The following NEBL variants were observed in gnomAD, a reference collection of about 807,000 sequenced individuals.
NEBL encodes the protein nebulette.
NEBL carries 122 observed loss-of-function variants against 140.2 expected under a neutral mutation model. The observed-to-expected ratio is 0.87, with a 90% confidence interval of 0.75 to 1.01. The LOEUF (loss-of-function observed/expected upper bound fraction) is 1.01, where lower values mean the gene tolerates loss of function less well. Ranked by LOEUF, NEBL falls within the 50% of genes least tolerant of loss-of-function variation. The probability of loss-of-function intolerance (pLI) is 0.00; values close to 1 mark genes in which losing one functional copy is unlikely to be tolerated. For synonymous variants in NEBL, 436 were observed against 398.9 expected (o/e 1.09, Z -1.11); for missense variants, 1,365 against 1,231.3 (o/e 1.11, Z -1.62).
intron 3 of NEBL, among the ~76,000 whole-genome samples, chr10:20,966,232 C>T (rs958311727): frequency 6.6e-6 from 1 of 152,128 alleles, no homozygotes; most frequent in African/African-American, 2.4e-5. Flanking sequence ...CATGTATGCA[C>T]AGAAACATGA....
At chr10:20,954,099 T>C (rs1469120845) in intron 4 of NEBL, among the ~76,000 whole-genome samples, 1 of 151,232 alleles carries the variant, frequency 6.6e-6, no homozygotes, top group Admixed American at 6.6e-5. Context: ...AATCCAGCTA[T>C]TTACTGAATA....
chr10:21,235,138 G>T (rs72800005), intron 3 of NEBL, among the ~76,000 whole-genome samples: 6,219 of 151,954 alleles, frequency 0.041, 189 homozygotes, highest in South Asian at 0.14. Flanking sequence ...CTACAAAAAC[G>T]TACAAAAATT....
At chr10:20,838,606 G>T (rs1841119498) in intron 13 of NEBL, among the ~76,000 whole-genome samples, 1 of 152,174 alleles carries the variant, frequency 6.6e-6, no homozygotes, top group African/African-American at 2.4e-5. Context: ...AATCTTGAAA[G>T]TTCTACTGTG....
intron 4 of NEBL, among the ~76,000 whole-genome samples, chr10:20,915,854 C>A (rs1848533939): frequency 6.6e-6 from 1 of 152,192 alleles, no homozygotes; most frequent in Non-Finnish European, 1.5e-5. Context: ...AGGGCAGGCT[C>A]TGAAATTTTT....
In NEBL at chr10:20,835,529, G is replaced by A. The variant is rs914129029; in HGVS notation, c.1433C>T (p.Ala478Val). The A allele has an allele frequency of 1.2e-6, 2 of 1,611,238 alleles. No homozygotes were observed. The highest frequency in any genetic ancestry group is 1.7e-6 in the Non-Finnish European group (2 of 1,178,986). Reference protein sequence around the residue: ...TLEMQHAKKAAEIASEKDYKR... With the variant: ...TLEMQHAKKAVEIASEKDYKR... ...CCTACTAACCTCACTCGCTATCTCT[G>A]CAGCCTTCTTGGCATGCTGCATTTC... Residue 478 changes from alanine to valine, a missense_variant, in exon 14 of 28, where the codon GCA (alanine) becomes GTA (valine). By Grantham distance (64) the Ala-to-Val change is moderately conservative. Transcript: ENST00000377122.
intron 4 of NEBL, among the ~76,000 whole-genome samples, chr10:20,948,709 C>T (rs1198637481): frequency 2.0e-5 from 3 of 152,168 alleles, no homozygotes; most frequent in South Asian, 4.1e-4. Flanking sequence ...GAGCTCTCAC[C>T]AGCTAATCTG....
rs1425366279 is a variant in NEBL at position 20,808,661 on chromosome 10, T to C, written c.2612-2A>G. 1.2e-6 allele frequency: 2 copies of C among 1,611,822 alleles called. No homozygotes were observed. Among genetic ancestry groups the C allele is most frequent in the Non-Finnish European group, 1.7e-6 (2 of 1,178,050 alleles). On this transcript the variant is annotated splice_acceptor_variant, in intron 25 of 27. Transcript: ENST00000377122. LOFTEE classifies it high-confidence loss of function. ...GTCGCCTATAGTGACTCGCCTTTTC[T>C]ATATTGGAGGGAAAATATTTACACG...
rs1482555716 is a variant in NEBL, at chr10:20,782,125, G to A, written c.*3622C>T. ...CATTTTCTAAAGTTCTAAATCTTTA[G>A]AGATAAAATACAATCAGCTAACACC... On this transcript the variant is annotated 3_prime_UTR_variant, in exon 28 of 28. Coordinates refer to ENST00000377122, the MANE Select transcript of NEBL (RefSeq NM_006393.3). 2.0e-5 allele frequency: 3 copies of A among 152,476 alleles called. No homozygotes were observed. Among genetic ancestry groups the A allele is most frequent in the Non-Finnish European group, 4.4e-5 (3 of 68,014 alleles). 9.4% of individuals were successfully genotyped at this position (152,476 alleles called of 1,614,324 possible).
At chr10:21,067,709 G>A (rs991629375) in intron 2 of NEBL, among the ~76,000 whole-genome samples, 17 of 152,148 alleles carry the variant, frequency 1.1e-4, no homozygotes, top group African/African-American at 1.9e-4. Flanking sequence ...GGCTAGGCAC[G>A]GTGGCTCCTA....
chr10:20,897,030 C>T lies in NEBL; in HGVS notation c.82-1G>A. The T allele has an allele frequency of 6.2e-7, 1 of 1,612,772 alleles. No individual in the cohort carries two copies. The highest frequency in any genetic ancestry group is 8.5e-7 in the Non-Finnish European group (1 of 1,179,268). ...CTTCAATAACAGGCTTATAGAAGAC[C>T]TATTTGAAAAAAAAGAAAAGAACAG... On this transcript the variant is annotated splice_acceptor_variant, in intron 1 of 27. Transcript: ENST00000377122. LOFTEE classifies it high-confidence loss of function.
Position 21,038,023 on chromosome 10 carries a change from C to A in NEBL, c.165-17822G>T, listed in dbSNP as rs181517043. ...GAATCAAAAGTAGATTCTTCAGAAA[C>A]CTTCTAGAGAGAGAGAGAGAAAAGT... On this transcript the variant is annotated intron_variant, in intron 2 of 6. Transcript: ENST00000417816. Among the ~76,000 whole-genome samples, 25 of 152,080 alleles carry A rather than the reference C, an allele frequency of 1.6e-4. 1 individual carries two copies. The highest frequency in any genetic ancestry group is 5.8e-4 in the African/African-American group (24 of 41,472).
rs34036235 is a variant in NEBL at position 21,144,956 on chromosome 10, TAAA to T, written c.164+27424_164+27426del. Reference sequence around the variant, plus strand: ...AAGTATATAAAAAGCCCCTTCAAATTAAAAAAAAAAAAAAGATATCTCTCCAAG... The same window carrying T: ...AAGTATATAAAAAGCCCCTTCAAATTAAAAAAAAAAAGATATCTCTCCAAG... On this transcript the variant is annotated intron_variant, in intron 2 of 6. Coordinates refer to the NEBL transcript ENST00000417816. Among the ~76,000 whole-genome samples, 1,099 of 123,198 alleles carry T rather than the reference TAAA, an allele frequency of 8.9e-3. 7 individuals are homozygous for T. Among genetic ancestry groups the T allele is most frequent in the African/African-American group, 0.029 (1,008 of 34,910 alleles). 80.8% of individuals were successfully genotyped at this position (123,198 alleles called of 152,430 possible). A position where few individuals can be genotyped will look rare whatever the true frequency, so the allele number is the denominator to read the frequency against.
intron 4 of NEBL, among the ~76,000 whole-genome samples, chr10:20,902,493 T>C (rs1847915785): frequency 6.6e-6 from 1 of 151,930 alleles, no homozygotes; most frequent in Admixed American, 6.6e-5. Flanking sequence ...GAGAGCTACA[T>C]AGTTAGATGG....
intron 1 of NEBL, among the ~76,000 whole-genome samples, chr10:21,273,900 T>C (rs1842886997): frequency 6.6e-6 from 1 of 152,164 alleles, no homozygotes; most frequent in Non-Finnish European, 1.5e-5. Flanking sequence ...ATGCTGTAAG[T>C]CCTGCTCACA....
chr10:21,174,042 G>A (rs1441132412), exon 1 of NEBL: 80 of 1,130,260 alleles, frequency 7.1e-5, no homozygotes, highest in Non-Finnish European at 8.4e-5. Context: ...TCTCGGGCTC[G>A]CAGGCGCTGG....
intron 3 of NEBL, among the ~76,000 whole-genome samples, chr10:20,994,564 T>C (rs936807921): frequency 2.0e-5 from 3 of 152,302 alleles, no homozygotes; most frequent in Admixed American, 6.5e-5. Context: ...CCTTGAAGAA[T>C]GCAGGCATTA....
intron 1 of NEBL, among the ~76,000 whole-genome samples, chr10:21,274,023 A>G (rs1842889085): frequency 6.6e-6 from 1 of 152,186 alleles, no homozygotes; most frequent in Non-Finnish European, 1.5e-5. Context: ...CATCTGACCA[A>G]TAGAATATGG....
intron 2 of NEBL, among the ~76,000 whole-genome samples, chr10:21,098,396 A>G (rs1837302527): frequency 6.6e-6 from 1 of 152,178 alleles, no homozygotes; most frequent in African/African-American, 2.4e-5. Context: ...GGTCATCAAT[A>G]AATGCTCATT....
At chr10:21,011,955 A>G (rs1838357628) in intron 3 of NEBL, among the ~76,000 whole-genome samples, 1 of 152,200 alleles carries the variant, frequency 6.6e-6, no homozygotes, top group Non-Finnish European at 1.5e-5. Flanking sequence ...ATTCTGGGAA[A>G]TGCAACCCAC....
Sources: gnomAD v4.1 joint callset for allele counts (sites outside exome capture counted in the v4.1 genomes callset) on GRCh38, gnomAD v4.1.1 for gene constraint, MANE v1.5 for transcripts, NCBI Gene and HGNC (gene_info 2026-07-23, HGNC 2026-07-21) for gene names.